The following POM121C variants were observed in gnomAD, a reference collection of about 807,000 sequenced individuals.
The protein encoded by POM121C is POM121 transmembrane nucleoporin C, also known as nuclear envelope pore membrane protein POM 121C.
POM121C carries 20 observed loss-of-function variants against 66.4 expected under a neutral mutation model. The observed-to-expected ratio is 0.30, with a 90% CI of 0.21 to 0.44. The LOEUF is 0.44. Among genes scored for constraint, POM121C ranks in the 20% least tolerant of loss-of-function variants. The pLI, the probability that POM121C is intolerant of heterozygous loss-of-function variation, is 1.00. For synonymous variants in POM121C, 286 were observed against 528.0 expected (o/e 0.54, Z 6.28); for missense variants, 580 against 1,225.7 (o/e 0.47, Z 7.87).
chr7:75,440,282 G>A (rs781097261), intron 5 of POM121C, among the ~76,000 whole-genome samples: 217 of 151,732 alleles, frequency 1.4e-3, no homozygotes, highest in Non-Finnish European at 2.8e-3. Flanking sequence ...CACTAGAACT[G>A]GTGGGCCGGG....
intron 6 of POM121C, 114 bp downstream of exon 6, chr7:75,439,030 A>G (rs1790525921): frequency 8.6e-7 from 1 of 1,166,724 alleles, no homozygotes; most frequent in Admixed American, 2.1e-5. Context: ...CAAAGACATG[A>G]ACCTGAACTA....
Position 75,486,046 on chromosome 7 carries a change from A to C in POM121C, c.-640T>G, listed in dbSNP as rs1335571211. The C allele has an allele frequency of 4.5e-6, 2 of 447,360 alleles. No individual in the cohort carries two copies. Among genetic ancestry groups the C allele is most frequent in the African/African-American group, 4.1e-5 (2 of 48,992 alleles). The allele number at this position is 447,360 out of a possible 1,614,324, so 27.7% of individuals were successfully genotyped here. On this transcript the variant is annotated 5_prime_UTR_variant, in exon 1 of 15. Transcript: ENST00000615331. ...CAGGCGGGTGTCCTTCTCGGGGCCCAGATCCGCCTCCCTGGGGCTCCCGGC... is the reference window on the plus strand; with the variant it reads ...CAGGCGGGTGTCCTTCTCGGGGCCCCGATCCGCCTCCCTGGGGCTCCCGGC...
Position 75,418,421 on chromosome 7 carries a change from G to C in POM121C, c.*375C>G, listed in dbSNP as rs1261238632. 1 of 1,028,680 alleles carries C rather than the reference G, an allele frequency of 9.7e-7. No individual in the cohort carries two copies. Among genetic ancestry groups the C allele is most frequent in the Non-Finnish European group, 1.2e-6 (1 of 858,038 alleles). 63.7% of individuals were successfully genotyped at this position (1,028,680 alleles called of 1,614,324 possible). A position where few individuals can be genotyped will look rare whatever the true frequency, so the allele number is the denominator to read the frequency against. ...CAGGTGCACACCACCGATCCAGGCG[G>C]GCTGGACCCTGCCCCCTCCAGCGAC... On this transcript the variant is annotated 3_prime_UTR_variant, in exon 15 of 15. Coordinates refer to ENST00000615331, the MANE Select transcript of POM121C (RefSeq NM_001099415.3).
chr7:75,469,518 C>T (rs1791794137), intron 3 of POM121C, among the ~76,000 whole-genome samples: 1 of 152,156 alleles, frequency 6.6e-6, no homozygotes, highest in African/African-American at 2.4e-5. Context: ...CCTGTTTTGA[C>T]CAGAGTTCTC....
intron 3 of POM121C, among the ~76,000 whole-genome samples, chr7:75,447,028 A>C (rs1554474766): frequency 6.7e-6 from 1 of 150,242 alleles, no homozygotes; most frequent in Non-Finnish European, 1.5e-5. Flanking sequence ...AAAAAAAAAA[A>C]AAAAAAAAAA....
chr7:75,430,331 A>T (rs587723863), intron 7 of POM121C, among the ~76,000 whole-genome samples: 2 of 152,216 alleles, frequency 1.3e-5, no homozygotes, highest in East Asian at 3.8e-4. Flanking sequence ...CCAATGGAAC[A>T]AAAGAAAGTC....
intron 3 of POM121C, among the ~76,000 whole-genome samples, chr7:75,457,150 AAAATAAATAAAT>A (rs71305122): frequency 0.25 from 30,881 of 123,684 alleles, 4,741 homozygotes; most frequent in African/African-American, 0.29. Context: ...ATTTCAATTA[AAAATAAATAAAT>A]AAATAAATAA....
At chr7:75,435,132 T>C (rs1206064934) in intron 7 of POM121C, among the ~76,000 whole-genome samples, 3 of 152,236 alleles carry the variant, frequency 2.0e-5, no homozygotes, top group Non-Finnish European at 2.9e-5. Flanking sequence ...AATGTATTCT[T>C]TGCAGCATTA....
intron 7 of POM121C, among the ~76,000 whole-genome samples, chr7:75,427,119 C>G (rs1259784604): frequency 6.6e-6 from 1 of 152,070 alleles, no homozygotes; most frequent in Admixed American, 6.6e-5. Context: ...CATTTAGTAA[C>G]TTCATTTTAA....
intron 6 of POM121C, among the ~76,000 whole-genome samples, chr7:75,438,795 T>C (rs1310733697): frequency 1.1e-4 from 17 of 152,312 alleles, no homozygotes; most frequent in Admixed American, 9.2e-4. Flanking sequence ...CAATTCTTCC[T>C]CCAATTTGTT....
Position 75,475,144 on chromosome 7 carries a change from C to G in POM121C, c.-413G>C. ...CATCAGGGTCCAGTTGCCGCCACTC[C>G]TCCTGGGTGAAATCCACAGCCACAT... is the stretch of plus-strand genomic sequence containing the variant. On this transcript the variant is annotated 5_prime_UTR_variant, in exon 2 of 15. Transcript: ENST00000615331. The G allele has an allele frequency of 6.4e-7, 1 of 1,562,540 alleles. No homozygotes were observed. The highest frequency in any genetic ancestry group is 8.8e-7 in the Non-Finnish European group (1 of 1,136,628).
At chr7:75,432,064 T>A (rs1481958350) in intron 7 of POM121C, among the ~76,000 whole-genome samples, 1 of 151,416 alleles carries the variant, frequency 6.6e-6, no homozygotes, top group Non-Finnish European at 1.5e-5. Context: ...CCTGCACCTA[T>A]AGTCCCAGCT....
At chr7:75,454,885 C>T (rs1422849826) in intron 3 of POM121C, among the ~76,000 whole-genome samples, 2 of 152,184 alleles carry the variant, frequency 1.3e-5, no homozygotes, top group Non-Finnish European at 2.9e-5. Context: ...CTCTGCTCTT[C>T]TGCCTCATCC....
intron 3 of POM121C, among the ~76,000 whole-genome samples, chr7:75,464,881 A>G (rs1791566221): frequency 6.8e-6 from 1 of 147,936 alleles, no homozygotes; most frequent in Admixed American, 6.7e-5. Context: ...AAAAAAAAAA[A>G]AGTATAGAAA....
At chr7:75,465,917 AAAAAAAAG>A (rs1791626687) in intron 3 of POM121C, among the ~76,000 whole-genome samples, 2 of 148,552 alleles carry the variant, frequency 1.3e-5, no homozygotes, top group African/African-American at 4.9e-5. Context: ...AAAAAAAAAA[AAAAAAAAG>A]GTGTGTGACT....
chr7:75,467,531 C>CA (rs58341825), intron 3 of POM121C, among the ~76,000 whole-genome samples: 16,086 of 64,948 alleles, frequency 0.25, 2,885 homozygotes, highest in African/African-American at 0.36. Context: ...GATTCTGTCT[C>CA]AAAAAAAAAA....
At chr7:75,447,547 C>CA (rs1190749684) in intron 3 of POM121C, among the ~76,000 whole-genome samples, 2 of 151,218 alleles carry the variant, frequency 1.3e-5, no homozygotes, top group African/African-American at 4.9e-5. Flanking sequence ...GTGCTGAAGG[C>CA]AAAAACTGCA....
At chr7:75,467,914 G>A (rs1554478087) in intron 3 of POM121C, among the ~76,000 whole-genome samples, 1 of 151,856 alleles carries the variant, frequency 6.6e-6, no homozygotes, top group East Asian at 1.9e-4. Flanking sequence ...CAGATCACCT[G>A]GGGTCAGGAG....
chr7:75,440,167 C>A (rs1790580595), intron 5 of POM121C, among the ~76,000 whole-genome samples: 1 of 152,084 alleles, frequency 6.6e-6, no homozygotes, highest in African/African-American at 2.4e-5. Context: ...AGGCGTGAGC[C>A]ACCTTGCCCT....
Sources: gnomAD v4.1 joint callset for allele counts (sites outside exome capture counted in the v4.1 genomes callset) on GRCh38, gnomAD v4.1.1 for gene constraint, MANE v1.5 for transcripts, NCBI Gene and HGNC (gene_info 2026-07-23, HGNC 2026-07-21) for gene names.